The following PCDH11X variants were observed in gnomAD, a reference collection of about 807,000 sequenced individuals.
The protein encoded by PCDH11X is protocadherin 11 X-linked.
Under a neutral mutation model 53.3 loss-of-function variants are expected in PCDH11X, and 18 were observed. The observed-to-expected ratio is 0.34, with a 90% CI of 0.23 to 0.50. PCDH11X has a LOEUF of 0.50. PCDH11X is among the 20% of genes least tolerant of loss of function. PCDH11X has a pLI of 0.98. For synonymous variants in PCDH11X, 279 were observed against 393.3 expected, an observed-to-expected ratio of 0.71 and a Z score of 3.44; for missense variants, 570 against 1,032.4, an observed-to-expected ratio of 0.55 and a Z score of 6.14.
chrX:92,037,436 C>A (rs768276532), intron 6 of PCDH11X, among the ~76,000 whole-genome samples: 13 of 111,888 alleles, frequency 1.2e-4, no homozygotes, highest in Non-Finnish European at 1.1e-4. Flanking sequence ...ATATGTACCA[C>A]ATTTTCTTTA....
chrX:92,074,915 G>A (rs2063752657), intron 6 of PCDH11X, among the ~76,000 whole-genome samples: 1 of 110,248 alleles, frequency 9.1e-6, no homozygotes, highest in Admixed American at 9.8e-5. Context: ...TCTATCGTGG[G>A]GTTAAGTGCA....
At chrX:92,085,181 G>T (rs1303147376) in intron 6 of PCDH11X, among the ~76,000 whole-genome samples, 11 of 110,560 alleles carry the variant, frequency 9.9e-5, no homozygotes, top group Non-Finnish European at 2.1e-4. Flanking sequence ...TGATCAGTTT[G>T]CTGCTTGTGA....
intron 10 of PCDH11X, among the ~76,000 whole-genome samples, chrX:92,538,687 C>G (rs2074708447): frequency 1.0e-5 from 1 of 96,667 alleles, no homozygotes; most frequent in Non-Finnish European, 2.1e-5. Context: ...TATACTCCCC[C>G]TTTTTAACTT....
At chrX:92,113,699 G>C in intron 6 of PCDH11X, 1 of 1,202,008 alleles carries the variant, frequency 8.3e-7, no homozygotes, top group Non-Finnish European at 1.1e-6. Context: ...CACTCCTCTC[G>C]TTCCACGTTG....
chrX:91,840,246 T>C (rs1450450535), intron 5 of PCDH11X, among the ~76,000 whole-genome samples: 3 of 111,981 alleles, frequency 2.7e-5, no homozygotes, highest in African/African-American at 9.7e-5. Flanking sequence ...TTCCCTGGCA[T>C]ATATCAACAG....
At chrX:91,960,660 G>C (rs1408416538) in intron 6 of PCDH11X, among the ~76,000 whole-genome samples, 1 of 111,366 alleles carries the variant, frequency 9.0e-6, no homozygotes, top group East Asian at 2.9e-4. Flanking sequence ...CTGATCTCAG[G>C]TGATCCACCT....
intron 6 of PCDH11X, among the ~76,000 whole-genome samples, chrX:92,018,632 A>G (rs1449661672): frequency 8.9e-6 from 1 of 112,529 alleles, no homozygotes; most frequent in Non-Finnish European, 1.9e-5. Flanking sequence ...AGTTGTATTA[A>G]TATACAGCCA....
intron 8 of PCDH11X, among the ~76,000 whole-genome samples, chrX:92,351,462 C>A (rs1329410427): frequency 9.0e-6 from 1 of 111,339 alleles, no homozygotes. Context: ...CTTTAGCTAT[C>A]TTTAATATTT....
intron 10 of PCDH11X, among the ~76,000 whole-genome samples, chrX:92,574,258 T>G (rs1218501433): frequency 1.1e-5 from 1 of 89,274 alleles, no homozygotes; most frequent in Admixed American, 1.3e-4. Context: ...GAATGAAAGT[T>G]TCAGCGAAAT....
chrX:92,084,974 GAA>G (rs11354572), intron 6 of PCDH11X, among the ~76,000 whole-genome samples: 1,434 of 103,869 alleles, frequency 0.014, 25 homozygotes, highest in African/African-American at 0.047. Flanking sequence ...AAAACTATTG[GAA>G]AAAAAAAAAC....
At chrX:91,884,541 T>C (rs1326377940) in intron 6 of PCDH11X, among the ~76,000 whole-genome samples, 1 of 111,297 alleles carries the variant, frequency 9.0e-6, no homozygotes, top group Non-Finnish European at 1.9e-5. Flanking sequence ...ACATCATTGC[T>C]TTGAGTAATT....
chrX:92,532,045 A>G (rs916707146), intron 10 of PCDH11X, among the ~76,000 whole-genome samples: 1 of 110,586 alleles, frequency 9.0e-6, no homozygotes, highest in Non-Finnish European at 1.9e-5. Context: ...ATAGAAATAC[A>G]TTTTAATTTA....
At chrX:92,497,671 C>T (rs2750824) in intron 10 of PCDH11X, among the ~76,000 whole-genome samples, 3 of 111,090 alleles carry the variant, frequency 2.7e-5, no homozygotes, top group Non-Finnish European at 3.8e-5. Flanking sequence ...ATAAATCCTT[C>T]GAAGTATAAA....
intron 6 of PCDH11X, among the ~76,000 whole-genome samples, chrX:91,968,191 GT>G (rs1371542254): frequency 9.0e-6 from 1 of 110,973 alleles, no homozygotes. Context: ...AACATAGTAG[GT>G]TTTTTTTCTG....
chrX:91,929,305 A>G (rs1942045703), intron 6 of PCDH11X, among the ~76,000 whole-genome samples: 1 of 110,837 alleles, frequency 9.0e-6, no homozygotes, highest in South Asian at 3.8e-4. Context: ...TCACATATAC[A>G]GAGAGTCTAA....
intron 10 of PCDH11X, among the ~76,000 whole-genome samples, chrX:92,601,653 A>T (rs1356177306): frequency 9.0e-6 from 1 of 111,612 alleles, no homozygotes; most frequent in Non-Finnish European, 1.9e-5. Context: ...AGTTGGAAGC[A>T]ACCTAAGAGA....
chrX:91,824,707 G>A (rs1353826499), intron 4 of PCDH11X, among the ~76,000 whole-genome samples: 49 of 107,681 alleles, frequency 4.6e-4, no homozygotes, highest in South Asian at 7.8e-4. Flanking sequence ...GCTTTGTTCC[G>A]TTGCTGGTGA....
intron 6 of PCDH11X, among the ~76,000 whole-genome samples, chrX:92,087,305 G>A (rs1457413448): frequency 9.4e-6 from 1 of 106,548 alleles, no homozygotes; most frequent in Non-Finnish European, 1.9e-5. Context: ...ATGTTGGTCA[G>A]GCTGGTCTTG....
chrX:92,437,769 G>A (rs1403418183), intron 9 of PCDH11X, among the ~76,000 whole-genome samples: 1 of 110,449 alleles, frequency 9.1e-6, no homozygotes, highest in Non-Finnish European at 1.9e-5. Context: ...TCTTGTAAGG[G>A]AAAAAGATAA....
Sources: allele counts gnomAD v4.1 joint callset (sites outside exome capture counted in the v4.1 genomes callset), GRCh38; gene constraint gnomAD v4.1.1; transcripts MANE v1.5; gene names NCBI Gene and HGNC (gene_info 2026-07-23, HGNC 2026-07-21).